Variants in MRPS6 observed in about 807,000 individuals in gnomAD.
MRPS6 encodes small ribosomal subunit protein bS6m.
In MRPS6, 6 loss-of-function variants were observed where a neutral mutation model predicts 13.1. That is an observed-to-expected ratio of 0.46 (90% CI 0.25 to 0.91). The LOEUF (loss-of-function observed/expected upper bound fraction) is 0.91. Ranked by LOEUF, MRPS6 falls within the 40% of genes least tolerant of loss-of-function variation. MRPS6 has a pLI of 0.18. For missense variants in MRPS6, 164 were observed against 155.6 expected, an observed-to-expected ratio of 1.05 and a Z score of -0.29; for synonymous variants, 61 against 56.5, an observed-to-expected ratio of 1.08 and a Z score of -0.36.
intron 1 of MRPS6, among the ~76,000 whole-genome samples, chr21:34,077,218 C>T (rs530765864): frequency 1.3e-5 from 2 of 152,100 alleles, no homozygotes; most frequent in South Asian, 2.1e-4. Flanking sequence ...ACTGAAGTGC[C>T]AATACATGAA....
chr21:34,082,373 CTG>C (rs1002171452), intron 1 of MRPS6, among the ~76,000 whole-genome samples: 23 of 152,178 alleles, frequency 1.5e-4, no homozygotes, highest in African/African-American at 5.1e-4. Flanking sequence ...ACCGTGTAAA[CTG>C]TGAGGGAGTG....
intron 1 of MRPS6, chr21:34,100,400 C>T (rs1055030688): frequency 2.0e-5 from 20 of 1,000,196 alleles, no homozygotes; most frequent in Non-Finnish European, 2.2e-5. Context: ...CCGATTTCTT[C>T]TTCCCCAGCT....
At chr21:34,137,393 G>A (rs1980744457) in intron 2 of MRPS6, among the ~76,000 whole-genome samples, 1 of 152,104 alleles carries the variant, frequency 6.6e-6, no homozygotes. Flanking sequence ...TGCAAGTATT[G>A]AATGTTTAAT....
chr21:34,090,542 C>T (rs2898203), intron 1 of MRPS6, among the ~76,000 whole-genome samples: 152,379 of 152,380 alleles, frequency 1, 76,189 homozygotes, highest in Non-Finnish European at 1. Flanking sequence ...TTTATCTAAT[C>T]TTTCTATATA....
chr21:34,100,871 T>C, intron 1 of MRPS6: 3 of 1,000,162 alleles, frequency 3.0e-6, no homozygotes, highest in Non-Finnish European at 3.6e-6. Context: ...AGCGGCTTAT[T>C]AGCTACTCAG....
chr21:34,128,389 T>G (rs897509018), intron 2 of MRPS6, among the ~76,000 whole-genome samples: 1 of 152,028 alleles, frequency 6.6e-6, no homozygotes, highest in Non-Finnish European at 1.5e-5. Flanking sequence ...AACCGCCTTA[T>G]CACGTACATG....
intron 1 of MRPS6, among the ~76,000 whole-genome samples, chr21:34,080,008 A>G (rs1989423875): frequency 6.6e-6 from 1 of 152,262 alleles, no homozygotes; most frequent in South Asian, 2.1e-4. Context: ...TCTCAATGCC[A>G]TATAGTCTTC....
At chr21:34,134,889 C>T (rs2834386) in intron 2 of MRPS6, among the ~76,000 whole-genome samples, 28,405 of 152,112 alleles carry the variant, frequency 0.19, 5,163 homozygotes, top group African/African-American at 0.47. Flanking sequence ...GTAGGCTAAG[C>T]GTTCTGGGCA....
At chr21:34,110,748 A>G (rs923164251) in intron 1 of MRPS6, among the ~76,000 whole-genome samples, 9 of 152,180 alleles carry the variant, frequency 5.9e-5, no homozygotes, top group African/African-American at 1.9e-4. Flanking sequence ...TTGTCAATCA[A>G]TACATGACCT....
chr21:34,106,565 A>C (rs537375863), intron 1 of MRPS6, among the ~76,000 whole-genome samples: 1 of 152,354 alleles, frequency 6.6e-6, no homozygotes, highest in African/African-American at 2.4e-5. Flanking sequence ...GGAATTTAGG[A>C]CTTGACTTCA....
At chr21:34,126,853 T>G (rs529949699) in intron 2 of MRPS6, among the ~76,000 whole-genome samples, 1 of 152,330 alleles carries the variant, frequency 6.6e-6, no homozygotes, top group East Asian at 1.9e-4. Context: ...GGATCTGCAC[T>G]AACACGTAGC....
At chr21:34,114,596 C>G (rs1979830308) in intron 1 of MRPS6, among the ~76,000 whole-genome samples, 1 of 152,146 alleles carries the variant, frequency 6.6e-6, no homozygotes, top group Admixed American at 6.5e-5. Flanking sequence ...CCAGGTGATT[C>G]AAGTGCTGAG....
At chr21:34,136,221 C>T (rs1282514389) in intron 2 of MRPS6, 1 of 156,046 alleles carries the variant, frequency 6.4e-6, no homozygotes, top group Non-Finnish European at 1.4e-5. Flanking sequence ...GATCTCTGCT[C>T]ACTGCAACCT....
intron 2 of MRPS6, among the ~76,000 whole-genome samples, chr21:34,138,101 A>G (rs925810757): frequency 6.6e-6 from 1 of 151,268 alleles, no homozygotes; most frequent in African/African-American, 2.4e-5. Context: ...CTGGCTTCAC[A>G]GAACAAATTG....
chr21:34,128,997 C>G (rs7276927), intron 2 of MRPS6, among the ~76,000 whole-genome samples: 1 of 152,014 alleles, frequency 6.6e-6, no homozygotes, highest in Non-Finnish European at 1.5e-5. Context: ...TTCAGGTCCC[C>G]GAGATTACCT....
At chr21:34,105,479 T>G (rs1979436375) in intron 1 of MRPS6, 1 of 999,778 alleles carries the variant, frequency 1.0e-6, no homozygotes, top group Admixed American at 6.2e-5. Flanking sequence ...TATCTAGTAA[T>G]TTTGATATGT....
chr21:34,103,548 T>A, intron 1 of MRPS6: 1 of 1,000,172 alleles, frequency 1.0e-6, no homozygotes. Context: ...TATTCCATGA[T>A]AGAAAGCTAA....
chr21:34,141,661 C>G (rs914159406), intron 2 of MRPS6, among the ~76,000 whole-genome samples: 1 of 152,154 alleles, frequency 6.6e-6, no homozygotes, highest in African/African-American at 2.4e-5. Flanking sequence ...TGGTCCAAAT[C>G]AGACAGTACA....
intron 1 of MRPS6, chr21:34,097,688 A>T: frequency 9.7e-7 from 1 of 1,027,980 alleles, no homozygotes; most frequent in Non-Finnish European, 1.2e-6. Context: ...TACTGTCTGC[A>T]CTGCCAAGTC....
Sources: allele counts gnomAD v4.1 joint callset (sites outside exome capture counted in the v4.1 genomes callset), GRCh38; gene constraint gnomAD v4.1.1; transcripts MANE v1.5; gene names NCBI Gene and HGNC (gene_info 2026-07-23, HGNC 2026-07-21).